The following APBA1 variants were observed in gnomAD, a reference collection of about 807,000 sequenced individuals.
APBA1 encodes amyloid-beta A4 precursor protein-binding family A member 1.
APBA1 carries 55 observed loss-of-function variants against 86.6 expected under a neutral mutation model. That is an observed-to-expected ratio of 0.64 (90% confidence interval 0.51 to 0.80). APBA1 has a LOEUF of 0.80. Among genes scored for constraint, APBA1 ranks in the 30% least tolerant of loss-of-function variants. APBA1 has a pLI of 0.00. For synonymous variants in APBA1, 511 were observed against 493.9 expected (o/e 1.03, Z -0.46); for missense variants, 1,090 against 1,183.0 (o/e 0.92, Z 1.15).
At chr9:69,645,609 CGGAGG>C (rs1361983063) in intron 1 of APBA1, among the ~76,000 whole-genome samples, 1 of 152,138 alleles carries the variant, frequency 6.6e-6, no homozygotes, top group Non-Finnish European at 1.5e-5. Context: ...GCAGCCTGCA[CGGAGG>C]CGGACTGGGA....
chr9:69,468,112 G>GTCTA, intron 4 of APBA1, 144 bp from the exon 5 acceptor site: 1 of 943,986 alleles, frequency 1.1e-6, no homozygotes, highest in East Asian at 2.4e-5. Flanking sequence ...ATCTCTCTGT[G>GTCTA]TCTATCTGCA....
At chr9:69,497,744 GC>G (rs1835822412) in intron 2 of APBA1, among the ~76,000 whole-genome samples, 1 of 151,980 alleles carries the variant, frequency 6.6e-6, no homozygotes, top group African/African-American at 2.4e-5. Context: ...TTCTGACATA[GC>G]CCCCTGCACC....
At chr9:69,524,575 A>G (rs955239018) in intron 1 of APBA1, among the ~76,000 whole-genome samples, 4 of 151,290 alleles carry the variant, frequency 2.6e-5, no homozygotes, top group African/African-American at 9.7e-5. Context: ...AAACTGAATC[A>G]GTAATACAAA....
rs1350091133 is a variant in APBA1 at position 69,471,554 on chromosome 9, C to T, written c.1336+102G>A. On this transcript the variant is annotated intron_variant, in intron 4 of 12. Transcript: ENST00000265381. ...CATTGTGAATAAGTGACTTTGTGGCCTTTCTTCCCTTCCATTGTCTTATAT... is the reference window on the plus strand; with the variant it reads ...CATTGTGAATAAGTGACTTTGTGGCTTTTCTTCCCTTCCATTGTCTTATAT... The T allele has an allele frequency of 6.2e-6, 6 of 968,448 alleles. No individual in the cohort carries two copies. The East Asian group carries it at 1.5e-4, about 23-fold the overall frequency. 60.0% of individuals were successfully genotyped at this position (968,448 alleles called of 1,614,324 possible). A position where few individuals can be genotyped will look rare whatever the true frequency, so the allele number is the denominator to read the frequency against.
Position 69,432,660 on chromosome 9 carries a change from C to A in APBA1, c.2318G>T (p.Arg773Leu). The A allele has an allele frequency of 1.3e-6, 2 of 1,591,344 alleles. No homozygotes were observed. The highest frequency in any genetic ancestry group is 8.5e-7 in the Non-Finnish European group (1 of 1,170,742). ...GCCTCCTCTCTCAGCTATTCCCCCT[C>A]GCATGAGGCTGCAGATCTGCCAGAG... ...VQNGIICSLM[R>L]GGIAERGGVR... Residue 773 changes from arginine (R) to leucine (L), a missense_variant, in exon 12 of 13, where the codon CGA becomes CTA. Physicochemically the swap from Arg to Leu is moderately radical, Grantham distance 102 (BLOSUM62 -2). Transcript: ENST00000265381.
Position 69,457,056 on chromosome 9 carries a change from T to C in APBA1, c.1599A>G (p.Thr533=), listed in dbSNP as rs1489894686. The change falls in exon 7 of 13, where the codon ACA becomes ACG. Residue 533 remains threonine (T), a synonymous_variant. Transcript: ENST00000265381. ...TQRIKVLNAD[T]QETMMDHPLR... Reference sequence around the variant, plus strand: ...AAAGGTGGAAGCCAGCTGATACCTGTGTGTCGGCGTTCAGCACTTTGATTC... The same window carrying C: ...AAAGGTGGAAGCCAGCTGATACCTGCGTGTCGGCGTTCAGCACTTTGATTC... 3 of 1,613,816 alleles carry C rather than the reference T, an allele frequency of 1.9e-6. No homozygotes were observed. The highest frequency in any genetic ancestry group is 2.5e-6 in the Non-Finnish European group (3 of 1,179,706).
chr9:69,618,550 G>A (rs1311701106), intron 1 of APBA1, among the ~76,000 whole-genome samples: 1 of 152,182 alleles, frequency 6.6e-6, no homozygotes, highest in Non-Finnish European at 1.5e-5. Flanking sequence ...GAGGTATGAA[G>A]TAAATCAAGA....
rs1286198581 is a variant in APBA1 at position 69,515,979 on chromosome 9, G to A, written c.1200+32C>T. 4.0e-6 allele frequency: 6 copies of A among 1,495,946 alleles called. No individual in the cohort carries two copies. In the East Asian group the frequency reaches 7.8e-5, roughly 19 times the overall value. 92.7% of individuals were successfully genotyped at this position (1,495,946 alleles called of 1,614,324 possible). A position where few individuals can be genotyped will look rare whatever the true frequency, so the allele number is the denominator to read the frequency against. Reference sequence around the variant, plus strand: ...CGCCATCTTCCCTCCCACCGCGTGGGGCCGAGGAAGCCCAAACCCGCACCT... The same window carrying A: ...CGCCATCTTCCCTCCCACCGCGTGGAGCCGAGGAAGCCCAAACCCGCACCT... On this transcript the variant is annotated intron_variant, in intron 2 of 12. Transcript: ENST00000265381.
At chr9:69,522,116 G>A (rs1267405315) in intron 1 of APBA1, among the ~76,000 whole-genome samples, 1 of 151,504 alleles carries the variant, frequency 6.6e-6, no homozygotes, top group African/African-American at 2.4e-5. Context: ...ATATATGTGT[G>A]TGTGTATATA....
intron 2 of APBA1, among the ~76,000 whole-genome samples, chr9:69,514,711 C>T (rs1588332929): frequency 6.6e-6 from 1 of 152,084 alleles, no homozygotes; most frequent in Non-Finnish European, 1.5e-5. Flanking sequence ...CGGTTCGAGA[C>T]CAGCCTGGCC....
At chr9:69,485,012 C>T (rs1835584367) in intron 2 of APBA1, among the ~76,000 whole-genome samples, 1 of 150,582 alleles carries the variant, frequency 6.6e-6, no homozygotes, top group South Asian at 2.1e-4. Flanking sequence ...GACAGGGTCT[C>T]ACTATGTTGC....
Position 69,611,297 on chromosome 9 carries a change from A to C in APBA1, c.-70+60856T>G, listed in dbSNP as rs569475290. Reference sequence around the variant, plus strand: ...GGGACCAGAAAAGGAAAAAAAAAAAAAAAAAAACAAAAAAAAAACCCAAAC... The same window carrying C: ...GGGACCAGAAAAGGAAAAAAAAAAACAAAAAAACAAAAAAAAAACCCAAAC... On this transcript the variant is annotated intron_variant, in intron 1 of 12. Transcript: ENST00000265381. Among the ~76,000 whole-genome samples the C allele has an allele frequency of 7.5e-3, 1,129 of 150,964 alleles. 14 individuals carry two copies. Among genetic ancestry groups the C allele is most frequent in the African/African-American group, 0.025 (1,048 of 41,186 alleles).
Position 69,501,614 on chromosome 9 carries a change from ACT to A in APBA1, c.1200+14395_1200+14396del, listed in dbSNP as rs760647214. On this transcript the variant is annotated intron_variant, in intron 2 of 12. Transcript: ENST00000265381. ...AGACCAGCCTGGGCAACATAACAAG[ACT>A]CTGTCTCTACAAAACACACACACAC... is the stretch of plus-strand genomic sequence containing the variant. 2.5e-4 allele frequency among the ~76,000 whole-genome samples: 37 copies of A among 149,620 alleles called. 1 individual carries two copies. The highest frequency in any genetic ancestry group is 8.5e-4 in the South Asian group (4 of 4,706).
At chr9:69,525,736 C>T (rs7851866) in intron 1 of APBA1, among the ~76,000 whole-genome samples, 30,308 of 151,978 alleles carry the variant, frequency 0.2, 3,052 homozygotes, top group Admixed American at 0.23. Flanking sequence ...AAAATTTATA[C>T]GGAACCACAA....
At chr9:69,650,247 G>C (rs569817967) in intron 1 of APBA1, among the ~76,000 whole-genome samples, 5 of 152,312 alleles carry the variant, frequency 3.3e-5, no homozygotes, top group South Asian at 2.1e-4. Context: ...ATGCCTTATA[G>C]TGTTGTTGTG....
intron 1 of APBA1, among the ~76,000 whole-genome samples, chr9:69,556,633 T>G (rs1193095724): frequency 6.6e-6 from 1 of 152,224 alleles, no homozygotes; most frequent in African/African-American, 2.4e-5. Flanking sequence ...GTCTCAACAG[T>G]TGCTTTGGCT....
intron 5 of APBA1, chr9:69,463,796 C>T (rs1835231242): frequency 6.6e-6 from 1 of 152,164 alleles, no homozygotes; most frequent in Admixed American, 6.5e-5. Context: ...ACTACCCCCA[C>T]CTTTGTTTAG....
chr9:69,595,401 T>C (rs1822207893), intron 1 of APBA1, among the ~76,000 whole-genome samples: 1 of 152,184 alleles, frequency 6.6e-6, no homozygotes, highest in Non-Finnish European at 1.5e-5. Flanking sequence ...AATGGAATTG[T>C]AGTTAATAGA....
chr9:69,517,281 TGGAAAAACAAGAAGGGGAGA>T lies in APBA1; in HGVS notation c.-69-22_-69-3del. ...GCGCTCTCATTTTGCTCCACTGGGC[TGGAAAAACAAGAAGGGGAGA>T]GGCTGTCACGTGGTGCAAACAGTCG... On this transcript the variant is annotated splice_region_variant and splice_polypyrimidine_tract_variant and intron_variant, in intron 1 of 12. Coordinates refer to ENST00000265381, the MANE Select transcript of APBA1 (RefSeq NM_001163.4). 6 of 1,405,720 alleles carry T rather than the reference TGGAAAAACAAGAAGGGGAGA, an allele frequency of 4.3e-6. No homozygotes were observed. The highest frequency in any genetic ancestry group is 5.5e-6 in the Non-Finnish European group (6 of 1,083,714). The allele number at this position is 1,405,720 out of a possible 1,614,324, so 87.1% of individuals were successfully genotyped here. A position where few individuals can be genotyped will look rare whatever the true frequency, so the allele number is the denominator to read the frequency against.
Sources: gnomAD v4.1 joint callset for allele counts (sites outside exome capture counted in the v4.1 genomes callset) on GRCh38, gnomAD v4.1.1 for gene constraint, MANE v1.5 for transcripts, NCBI Gene and HGNC (gene_info 2026-07-23, HGNC 2026-07-21) for gene names.